Variants in IL33 observed in about 807,000 individuals in gnomAD.
The protein encoded by IL33 is interleukin-33.
In IL33, 37 loss-of-function variants were observed where a neutral mutation model predicts 27.3. The ratio of observed to expected loss-of-function variants is 1.36; its 90% confidence interval spans 1.04 to 1.78. The LOEUF is 1.78. Ranked by LOEUF, IL33 falls within the 40% of genes most tolerant of loss-of-function variation. IL33 has a pLI of 0.00. For synonymous variants in IL33, 132 were observed against 102.9 expected (o/e 1.28, Z -1.71); for missense variants, 406 against 311.4 (o/e 1.30, Z -2.29).
At position 6,217,613 on chromosome 9, in the gene IL33, A is replaced by G. The variant is rs180966859; in HGVS notation, c.-12+1761A>G. 5.9e-5 allele frequency among the ~76,000 whole-genome samples: 9 copies of G among 152,326 alleles called. 1 individual carries two copies. The East Asian group carries it at 1.5e-3, about 26-fold the overall frequency. On this transcript the variant is annotated intron_variant, in intron 1 of 7. Coordinates refer to ENST00000682010, the MANE Select transcript of IL33 (RefSeq NM_033439.4). ...CCCTCAAAAATAAACTTTTGTGGAA[A>G]AACAAGGAATTGATACCCTAAGTGG...
Position 6,252,866 on chromosome 9 carries a change from G to C in IL33, c.344G>C (p.Gly115Ala), listed in dbSNP as rs1816485057. The change falls in exon 5 of 8, where the codon GGA becomes GCA. Residue 115 changes from glycine (G) to alanine (A), a missense_variant and splice_region_variant. Coordinates refer to ENST00000682010, the MANE Select transcript of IL33 (RefSeq NM_033439.4). Reference sequence around the variant, plus strand: ...CAAATTTTTGAATTCTTAACAACAGGAATTTCACCTATTACAGAGTATCTT... The same window carrying C: ...CAAATTTTTGAATTCTTAACAACAGCAATTTCACCTATTACAGAGTATCTT... ...TRALHDSSIT[G>A]ISPITEYLAS... The C allele has an allele frequency of 6.3e-7, 1 of 1,598,344 alleles. No homozygotes were observed. Among genetic ancestry groups the C allele is most frequent in the Non-Finnish European group, 8.5e-7 (1 of 1,175,946 alleles).
At chr9:6,232,530 C>G (rs1008717203) in intron 1 of IL33, among the ~76,000 whole-genome samples, 4 of 152,146 alleles carry the variant, frequency 2.6e-5, no homozygotes, top group African/African-American at 9.7e-5. Flanking sequence ...TACTCTCTCC[C>G]TCCTTTTCCT....
At chr9:6,244,504 A>G (rs1007982326) in intron 2 of IL33, among the ~76,000 whole-genome samples, 3 of 152,232 alleles carry the variant, frequency 2.0e-5, no homozygotes, top group Non-Finnish European at 4.4e-5. Flanking sequence ...ATAACCAACA[A>G]AAAAGTGGAG....
chr9:6,236,790 T>C (rs937224720), intron 1 of IL33, among the ~76,000 whole-genome samples: 1 of 152,142 alleles, frequency 6.6e-6, no homozygotes, highest in African/African-American at 2.4e-5. Flanking sequence ...AGAATTGCTT[T>C]AATCTGGGAG....
intron 1 of IL33, among the ~76,000 whole-genome samples, chr9:6,231,987 T>C (rs547675858): frequency 6.6e-6 from 1 of 152,350 alleles, no homozygotes; most frequent in Non-Finnish European, 1.5e-5. Context: ...TCAGTCTGAT[T>C]AAATGAATTT....
intron 4 of IL33, among the ~76,000 whole-genome samples, chr9:6,252,140 C>T (rs1816433948): frequency 6.6e-6 from 1 of 151,246 alleles, no homozygotes; most frequent in Non-Finnish European, 1.5e-5. Flanking sequence ...AGCATTATTC[C>T]TGCTATAAAT....
At chr9:6,241,556 A>G in intron 1 of IL33, 128 bp from the exon 2 acceptor site, 1 of 570,228 alleles carries the variant, frequency 1.8e-6, no homozygotes. Flanking sequence ...TACTACGTTC[A>G]AACTTTACTG....
chr9:6,233,904 G>A (rs1208748918), intron 1 of IL33, among the ~76,000 whole-genome samples: 2 of 152,084 alleles, frequency 1.3e-5, no homozygotes, highest in Non-Finnish European at 2.9e-5. Flanking sequence ...ACTCTGCGCA[G>A]TCCAGTGCAG....
Position 6,250,550 on chromosome 9 carries a change from G to A in IL33, c.168G>A (p.Glu56=), listed in dbSNP as rs754058593. ...GCTCTGGCCTTATGATAAAAAAGGA[G>A]GCCTGTTACTTTAGGAGAGAAACCA... is the stretch of plus-strand genomic sequence containing the variant. ...KLRSGLMIKK[E]ACYFRRETTK... is the part of the protein sequence containing the mutation. Residue 56 remains glutamate, a synonymous_variant, in exon 3 of 8, where the codon GAG becomes GAA. Transcript: ENST00000682010. The A allele has an allele frequency of 1.9e-6, 3 of 1,613,868 alleles. No homozygotes were observed. Among genetic ancestry groups the A allele is most frequent in the African/African-American group, 2.7e-5 (2 of 74,924 alleles).
At chr9:6,228,628 G>A (rs749753001) in intron 1 of IL33, among the ~76,000 whole-genome samples, 3 of 150,976 alleles carry the variant, frequency 2.0e-5, no homozygotes, top group Non-Finnish European at 4.4e-5. Flanking sequence ...AAGCCAAGGT[G>A]GAAGGATCAC....
intron 2 of IL33, among the ~76,000 whole-genome samples, chr9:6,248,240 C>CTTTTTTTTTTTTTTTTTTT (rs1179234471): frequency 1.2e-5 from 1 of 84,870 alleles, no homozygotes. Context: ...CTTTTCTTTT[C>CTTTTTTTTTTTTTTTTTTT]TTTTTTTTTT....
At chr9:6,254,383 T>C in intron 6 of IL33, 79 bp from the exon 7 acceptor site, 1 of 864,618 alleles carries the variant, frequency 1.2e-6, no homozygotes, top group Non-Finnish European at 1.7e-6. Context: ...CTTAGACTTT[T>C]TTCCTGGGTG....
At chr9:6,243,886 C>T (rs1819676992) in intron 2 of IL33, among the ~76,000 whole-genome samples, 1 of 152,230 alleles carries the variant, frequency 6.6e-6, no homozygotes, top group Non-Finnish European at 1.5e-5. Flanking sequence ...AGGCTGTGGC[C>T]CACCCACACT....
At chr9:6,237,016 A>G (rs1418841028) in intron 1 of IL33, among the ~76,000 whole-genome samples, 2 of 152,226 alleles carry the variant, frequency 1.3e-5, no homozygotes, top group Non-Finnish European at 2.9e-5. Flanking sequence ...CAATACTGTC[A>G]TCCAATGTTG....
At chr9:6,220,488 A>C (rs1209492485) in intron 1 of IL33, among the ~76,000 whole-genome samples, 3 of 152,348 alleles carry the variant, frequency 2.0e-5, no homozygotes. Flanking sequence ...TTGTTTAAGA[A>C]ATGCTATTTA....
At chr9:6,217,060 G>A (rs1269274228) in intron 1 of IL33, among the ~76,000 whole-genome samples, 1 of 152,030 alleles carries the variant, frequency 6.6e-6, no homozygotes, top group Admixed American at 6.6e-5. Flanking sequence ...TAGGGGAATA[G>A]GTGCTGCTGA....
chr9:6,225,703 A>T (rs1818594812), intron 1 of IL33, among the ~76,000 whole-genome samples: 1 of 152,062 alleles, frequency 6.6e-6, no homozygotes, highest in Non-Finnish European at 1.5e-5. Context: ...GTCCTCAATG[A>T]CTGACATTAC....
At chr9:6,252,817 G>T (rs768077314) in intron 4 of IL33, 49 bp from the exon 5 acceptor site, 1 of 1,583,962 alleles carries the variant, frequency 6.3e-7, no homozygotes, top group South Asian at 1.2e-5. Context: ...TTTTTAAAAA[G>T]GTTGCCAAAA....
intron 2 of IL33, among the ~76,000 whole-genome samples, chr9:6,249,245 G>A (rs1816191551): frequency 6.6e-6 from 1 of 152,132 alleles, no homozygotes; most frequent in Non-Finnish European, 1.5e-5. Flanking sequence ...GCTAATAAAA[G>A]CTTTTCCACT....
Sources: gnomAD v4.1 joint callset for allele counts (sites outside exome capture counted in the v4.1 genomes callset) on GRCh38, gnomAD v4.1.1 for gene constraint, MANE v1.5 for transcripts, NCBI Gene and HGNC (gene_info 2026-07-23, HGNC 2026-07-21) for gene names.